The following EFHD1 variants were observed in gnomAD, a reference collection of about 807,000 sequenced individuals.
The protein encoded by EFHD1 is EF-hand domain-containing protein D1.
A neutral mutation model predicts 17.2 loss-of-function variants in EFHD1; 10 were observed. The ratio of observed to expected loss-of-function variants is 0.58; its 90% CI spans 0.36 to 0.99. The LOEUF (loss-of-function observed/expected upper bound fraction) is 0.99. EFHD1 is among the 50% of genes least tolerant of loss of function. EFHD1 has a pLI of 0.01. For missense variants in EFHD1, 310 were observed against 327.5 expected (o/e 0.95, Z 0.41); for synonymous variants, 153 against 142.0 (o/e 1.08, Z -0.55).
chr2:232,635,052 T>C (rs1237909681), intron 1 of EFHD1, among the ~76,000 whole-genome samples: 3 of 150,542 alleles, frequency 2.0e-5, no homozygotes, highest in African/African-American at 7.3e-5. Flanking sequence ...AGCCGGCACT[T>C]GGGAGCCTCC....
intron 1 of EFHD1, among the ~76,000 whole-genome samples, chr2:232,643,432 G>A (rs1694468444): frequency 1.3e-5 from 2 of 152,230 alleles, no homozygotes; most frequent in Non-Finnish European, 2.9e-5. Context: ...TTTTGAGACA[G>A]GGTCTTGCTC....
chr2:232,633,425 A>C, upstream of EFHD1: 8 of 1,152,446 alleles, frequency 6.9e-6, no homozygotes, highest in South Asian at 4.0e-5. Flanking sequence ...AGCCGCGGGG[A>C]GAGGAAGCAG....
upstream of EFHD1, among the ~76,000 whole-genome samples, chr2:232,631,709 AAAAC>A (rs1284266397): frequency 1.4e-5 from 2 of 138,774 alleles, no homozygotes; most frequent in Non-Finnish European, 3.2e-5. Flanking sequence ...AAAAAAAACA[AAAAC>A]AAAACCAGCT....
At chr2:232,655,429 G>T (rs995825662) in intron 1 of EFHD1, among the ~76,000 whole-genome samples, 5 of 152,230 alleles carry the variant, frequency 3.3e-5, no homozygotes, top group African/African-American at 1.2e-4. Context: ...CTTCTCAACA[G>T]AAAATCCCCA....
At chr2:232,639,702 A>G (rs1311755013) in intron 1 of EFHD1, among the ~76,000 whole-genome samples, 1 of 152,114 alleles carries the variant, frequency 6.6e-6, no homozygotes, top group African/African-American at 2.4e-5. Context: ...ATGGCCTAAG[A>G]GTCCACAAAT....
chr2:232,654,716 C>G (rs1398688832), intron 1 of EFHD1, among the ~76,000 whole-genome samples: 1 of 152,190 alleles, frequency 6.6e-6, no homozygotes, highest in Non-Finnish European at 1.5e-5. Flanking sequence ...GCGTGAGCCA[C>G]CGTGCCCTGC....
intron 1 of EFHD1, among the ~76,000 whole-genome samples, chr2:232,653,409 G>C (rs895487719): frequency 1.4e-4 from 21 of 152,264 alleles, no homozygotes; most frequent in African/African-American, 4.8e-4. Flanking sequence ...TGCTGCCTCA[G>C]CCTCTCAAGT....
chr2:232,607,809 T>C (rs1693747902), intron 1 of EFHD1, among the ~76,000 whole-genome samples: 1 of 151,274 alleles, frequency 6.6e-6, no homozygotes, highest in Non-Finnish European at 1.5e-5. Flanking sequence ...AATTTAAGGT[T>C]AGGGCCAGGC....
intron 2 of EFHD1, among the ~76,000 whole-genome samples, chr2:232,670,095 A>T (rs2106215795): frequency 6.6e-6 from 1 of 152,302 alleles, no homozygotes; most frequent in South Asian, 2.1e-4. Flanking sequence ...TGTTTAAAGA[A>T]GAGAACTAAA....
At chr2:232,655,518 C>T (rs1452624418) in intron 1 of EFHD1, among the ~76,000 whole-genome samples, 2 of 152,258 alleles carry the variant, frequency 1.3e-5, no homozygotes, top group East Asian at 1.9e-4. Context: ...ACGGAAGGCT[C>T]TGGAAAGTTC....
intron 2 of EFHD1, among the ~76,000 whole-genome samples, chr2:232,667,117 CTG>C (rs1191022395): frequency 1.3e-5 from 2 of 152,152 alleles, no homozygotes; most frequent in African/African-American, 4.8e-5. Context: ...GCTTCTGAAA[CTG>C]TGAGAAAATA....
chr2:232,619,386 C>G (rs1693983069), intron 1 of EFHD1, among the ~76,000 whole-genome samples: 1 of 150,360 alleles, frequency 6.7e-6, no homozygotes, highest in Admixed American at 6.6e-5. Flanking sequence ...TCTCGGCTCA[C>G]TGCAACCTCT....
intron 1 of EFHD1, among the ~76,000 whole-genome samples, chr2:232,662,534 A>G (rs1225601233): frequency 6.6e-6 from 1 of 152,136 alleles, no homozygotes; most frequent in Non-Finnish European, 1.5e-5. Flanking sequence ...TAAACAAAGC[A>G]TGTTTCTCAC....
intron 1 of EFHD1, among the ~76,000 whole-genome samples, chr2:232,647,733 T>C (rs575417250): frequency 6.6e-6 from 1 of 150,430 alleles, no homozygotes; most frequent in East Asian, 2.0e-4. Context: ...GCCTCCCAGG[T>C]TCAAGTGATT....
At chr2:232,613,879 C>T (rs1488127961) in intron 1 of EFHD1, among the ~76,000 whole-genome samples, 1 of 101,870 alleles carries the variant, frequency 9.8e-6, no homozygotes, top group African/African-American at 3.2e-5. Context: ...AATATACACA[C>T]ACATATACAC....
At chr2:232,634,194 G>A (rs894241546) in intron 1 of EFHD1, among the ~76,000 whole-genome samples, 188 bp downstream of exon 1, 3 of 152,142 alleles carry the variant, frequency 2.0e-5, no homozygotes, top group Non-Finnish European at 4.4e-5. Flanking sequence ...GCCGAAGAGG[G>A]GGGACACCAG....
intron 1 of EFHD1, among the ~76,000 whole-genome samples, chr2:232,625,868 T>A (rs1694096728): frequency 7.0e-6 from 1 of 142,384 alleles, no homozygotes; most frequent in East Asian, 2.9e-4. Flanking sequence ...CATACACTCC[T>A]CATTTAAAAA....
intron 2 of EFHD1, 144 bp downstream of exon 2, chr2:232,663,093 CT>C: frequency 2.0e-6 from 2 of 978,508 alleles, no homozygotes; most frequent in Non-Finnish European, 2.8e-6. Flanking sequence ...TCAAAAATAC[CT>C]TTTAGGTGAC....
chr2:232,633,343 A>C, upstream of EFHD1: 1 of 486,120 alleles, frequency 2.1e-6, no homozygotes, highest in Admixed American at 5.6e-5. Context: ...CGGAGCTGAC[A>C]GGGGCAGCAA....
Sources: allele counts gnomAD v4.1 joint callset (sites outside exome capture counted in the v4.1 genomes callset), GRCh38; gene constraint gnomAD v4.1.1; transcripts MANE v1.5; gene names NCBI Gene and HGNC (gene_info 2026-07-23, HGNC 2026-07-21).